PACSIN2: variants seen among roughly 807,000 people sequenced by gnomAD.
PACSIN2 encodes the protein protein kinase C and casein kinase substrate in neurons 2, also known as protein kinase C and casein kinase substrate in neurons protein 2.
A neutral mutation model predicts 63.8 loss-of-function variants in PACSIN2; 25 were observed. The ratio of observed to expected loss-of-function variants is 0.39; its 90% confidence interval spans 0.29 to 0.55. The LOEUF (loss-of-function observed/expected upper bound fraction) is 0.55. PACSIN2 is among the 20% of genes least tolerant of loss of function. The pLI, the probability that PACSIN2 is intolerant of heterozygous loss-of-function variation, is 0.62. For synonymous variants in PACSIN2, 255 were observed against 256.2 expected (o/e 1.00, Z 0.05); for missense variants, 518 against 646.9 (o/e 0.80, Z 2.16).
chr22:42,877,026 G>C lies in PACSIN2; in HGVS notation c.1029-16C>G. 2 of 1,613,804 alleles carry C rather than the reference G, an allele frequency of 1.2e-6. No individual in the cohort carries two copies. The highest frequency in any genetic ancestry group is 1.7e-6 in the Non-Finnish European group (2 of 1,179,758). ...ATTAAGGGTGCTATGGAGAGAGAGA[G>C]CTTTCAGGGGATCCCAGCTCTGCAG... On this transcript the variant is annotated splice_polypyrimidine_tract_variant and intron_variant, in intron 8 of 10. Coordinates refer to ENST00000263246, the MANE Select transcript of PACSIN2 (RefSeq NM_001184970.3).
At chr22:42,882,043 C>T (rs1357831256) in intron 7 of PACSIN2, 141 bp downstream of exon 7, 6 of 984,038 alleles carry the variant, frequency 6.1e-6, no homozygotes, top group Non-Finnish European at 9.3e-6. Context: ...TTGGTCTGTA[C>T]TATAGCTATG....
chr22:42,991,812 CAA>C lies in PACSIN2; in HGVS notation c.-78+23207_-78+23208del, dbSNP rs58208243. ...ACTGAAACAACTGGCTATCCACAGA[CAA>C]AAAAAAAAAAAAAAAACCTTCAATT... On this transcript the variant is annotated intron_variant, in intron 1 of 10. Coordinates refer to ENST00000263246, the MANE Select transcript of PACSIN2 (RefSeq NM_001184970.3). Among the ~76,000 whole-genome samples, 936 of 119,676 alleles carry C rather than the reference CAA, an allele frequency of 7.8e-3. 6 individuals are homozygous for C. Among genetic ancestry groups the C allele is most frequent in the African/African-American group, 0.021 (709 of 33,732 alleles). The allele number at this position is 119,676 out of a possible 152,430, so 78.5% of individuals were successfully genotyped here.
intron 1 of PACSIN2, among the ~76,000 whole-genome samples, chr22:42,960,780 T>G (rs1252055924): frequency 1.3e-5 from 2 of 152,262 alleles, no homozygotes; most frequent in East Asian, 3.9e-4. Flanking sequence ...TGGCTATGGG[T>G]GTGCTGGGCT....
intron 1 of PACSIN2, among the ~76,000 whole-genome samples, chr22:42,995,127 G>A (rs1443730886): frequency 6.6e-6 from 1 of 152,232 alleles, no homozygotes; most frequent in African/African-American, 2.4e-5. Context: ...AGCAAGACTG[G>A]ACACTGCAAC....
chr22:42,884,825 G>C (rs1007374842), intron 5 of PACSIN2, among the ~76,000 whole-genome samples: 6 of 152,248 alleles, frequency 3.9e-5, no homozygotes, highest in Non-Finnish European at 7.3e-5. Flanking sequence ...AGAACTCAGT[G>C]TGTATGGTCT....
chr22:42,988,241 T>TA (rs1444273889), intron 1 of PACSIN2, among the ~76,000 whole-genome samples: 1 of 152,176 alleles, frequency 6.6e-6, no homozygotes, highest in Non-Finnish European at 1.5e-5. Flanking sequence ...AAGGAGAAGA[T>TA]AGTCTCTGAA....
chr22:42,918,886 C>A (rs1489696435), intron 1 of PACSIN2, among the ~76,000 whole-genome samples: 2 of 152,138 alleles, frequency 1.3e-5, no homozygotes, highest in Admixed American at 1.3e-4. Flanking sequence ...CTGCTTGCAG[C>A]ACCCTCTCAG....
chr22:43,002,829 A>G (rs916374273), intron 1 of PACSIN2, among the ~76,000 whole-genome samples: 1 of 152,270 alleles, frequency 6.6e-6, no homozygotes, highest in African/African-American at 2.4e-5. Flanking sequence ...CATTACGTCA[A>G]CAGGATAATA....
intron 2 of PACSIN2, among the ~76,000 whole-genome samples, chr22:42,911,191 A>T (rs1931430978): frequency 6.6e-6 from 1 of 152,106 alleles, no homozygotes; most frequent in Non-Finnish European, 1.5e-5. Flanking sequence ...GACATGAGCC[A>T]CTGCGCCCGG....
At chr22:42,892,759 TGGCTGAGGACAGCTGG>T (rs1047118691) in intron 3 of PACSIN2, among the ~76,000 whole-genome samples, 9 of 152,196 alleles carry the variant, frequency 5.9e-5, no homozygotes, top group South Asian at 2.1e-4. Context: ...CTCCCCTGAT[TGGCTGAGGACAGCTGG>T]GGCTGAGGAC....
At chr22:42,935,285 T>C (rs5759045) in intron 1 of PACSIN2, among the ~76,000 whole-genome samples, 1 of 151,954 alleles carries the variant, frequency 6.6e-6, no homozygotes, top group Non-Finnish European at 1.5e-5. Context: ...TATTCCTGAT[T>C]ATCGAGGACC....
At chr22:42,919,616 T>C (rs546333829) in intron 1 of PACSIN2, among the ~76,000 whole-genome samples, 1 of 150,904 alleles carries the variant, frequency 6.6e-6, no homozygotes, top group African/African-American at 2.4e-5. Flanking sequence ...CTACTAAAAA[T>C]ACAAAAATTA....
chr22:42,886,663 C>T (rs1602184127), intron 5 of PACSIN2, among the ~76,000 whole-genome samples: 2 of 152,158 alleles, frequency 1.3e-5, no homozygotes, highest in East Asian at 1.9e-4. Context: ...GATGAGGTCT[C>T]ACTATGTTTC....
At chr22:42,938,687 C>A (rs1359906270) in intron 1 of PACSIN2, among the ~76,000 whole-genome samples, 1 of 152,208 alleles carries the variant, frequency 6.6e-6, no homozygotes, top group Non-Finnish European at 1.5e-5. Flanking sequence ...CCGGTGTGTG[C>A]TACCCGTGCC....
intron 1 of PACSIN2, among the ~76,000 whole-genome samples, chr22:42,957,680 A>G (rs991114401): frequency 6.6e-6 from 1 of 152,148 alleles, no homozygotes; most frequent in African/African-American, 2.4e-5. Context: ...ATACCTCTTC[A>G]GTTCAGCTCA....
intron 8 of PACSIN2, among the ~76,000 whole-genome samples, chr22:42,877,621 G>C (rs115558763): frequency 1.3e-5 from 2 of 152,198 alleles, no homozygotes; most frequent in Admixed American, 6.5e-5. Context: ...AAATCCAGTC[G>C]TGCAACTGCC....
intron 1 of PACSIN2, among the ~76,000 whole-genome samples, chr22:42,972,121 AAAG>A (rs1165497359): frequency 6.6e-6 from 1 of 152,228 alleles, no homozygotes; most frequent in African/African-American, 2.4e-5. Context: ...GTCTGTGTGG[AAAG>A]AAGTAGACAT....
chr22:43,012,629 C>T (rs1685518536), intron 1 of PACSIN2, among the ~76,000 whole-genome samples: 1 of 151,768 alleles, frequency 6.6e-6, no homozygotes, highest in Non-Finnish European at 1.5e-5. Context: ...TGAGATTACA[C>T]GTGTGCACCA....
chr22:42,990,829 TC>T (rs67496760), intron 1 of PACSIN2, among the ~76,000 whole-genome samples: 28,470 of 151,934 alleles, frequency 0.19, 4,204 homozygotes, highest in East Asian at 0.69. Context: ...TGGAAACCAC[TC>T]TATTTGGCTC....
Sources: gnomAD v4.1 joint callset for allele counts (sites outside exome capture counted in the v4.1 genomes callset) on GRCh38, gnomAD v4.1.1 for gene constraint, MANE v1.5 for transcripts, NCBI Gene and HGNC (gene_info 2026-07-23, HGNC 2026-07-21) for gene names.